The following KDM6A variants were observed in gnomAD, a reference collection of about 807,000 sequenced individuals.
The protein encoded by KDM6A is lysine-specific demethylase 6A.
A neutral mutation model predicts 117.6 loss-of-function variants in KDM6A; 11 were observed. The observed-to-expected ratio is 0.09, with a 90% CI of 0.06 to 0.15. The LOEUF (loss-of-function observed/expected upper bound fraction) is 0.15. KDM6A is among the 10% of genes least tolerant of loss of function. KDM6A has a pLI of 1.00. For missense variants in KDM6A, 799 were observed against 1,077.3 expected, an observed-to-expected ratio of 0.74 and a Z score of 3.62; for synonymous variants, 384 against 396.1, an observed-to-expected ratio of 0.97 and a Z score of 0.36.
chrX:45,109,096 G>A (rs1293887938), intron 28 of KDM6A, among the ~76,000 whole-genome samples: 1 of 102,241 alleles, frequency 9.8e-6, no homozygotes, highest in African/African-American at 3.6e-5. Context: ...ATGTGCACAT[G>A]TACCCTAAAA....
intron 2 of KDM6A, among the ~76,000 whole-genome samples, chrX:44,912,696 C>A (rs1015967694): frequency 2.5e-4 from 28 of 111,857 alleles, no homozygotes; most frequent in African/African-American, 9.1e-4. Context: ...GGTCCAAAGG[C>A]CCTCAGTGAA....
At position 45,061,176 on chromosome X, in the gene KDM6A, A is replaced by G. The variant is rs1399495671; in HGVS notation, c.1486-148A>G. ...TTTCTAAGTTTAATATGCATGTAAA[A>G]TTATTTTTTAAAGAATTTAATGTTA... On this transcript the variant is annotated intron_variant, in intron 14 of 29. Transcript: ENST00000611820. 2.4e-5 allele frequency: 9 copies of G among 375,958 alleles called. No homozygotes were observed. In the East Asian group the frequency reaches 3.7e-4, roughly 16 times the overall value. The allele number at this position is 375,958 out of a possible 1,213,427, so 31.0% of individuals were successfully genotyped here. A position where few individuals can be genotyped will look rare whatever the true frequency, so the allele number is the denominator to read the frequency against.
chrX:45,075,779 C>T (rs893919187), intron 18 of KDM6A, among the ~76,000 whole-genome samples: 1 of 111,182 alleles, frequency 9.0e-6, no homozygotes, highest in Non-Finnish European at 1.9e-5. Flanking sequence ...ATAGCTAATT[C>T]CTTCTTAAGT....
At chrX:45,072,866 A>T (rs955316153) in intron 18 of KDM6A, among the ~76,000 whole-genome samples, 1 of 105,444 alleles carries the variant, frequency 9.5e-6, no homozygotes, top group African/African-American at 3.5e-5. Flanking sequence ...AAAATATAAT[A>T]ATATATATAT....
intron 2 of KDM6A, among the ~76,000 whole-genome samples, chrX:44,877,015 G>A (rs2031693508): frequency 9.0e-6 from 1 of 111,331 alleles, no homozygotes; most frequent in African/African-American, 3.3e-5. Flanking sequence ...ACACGTATAC[G>A]TGTATACATA....
chrX:44,999,546 A>G (rs2041037711), intron 4 of KDM6A, among the ~76,000 whole-genome samples: 1 of 111,730 alleles, frequency 9.0e-6, no homozygotes, highest in Admixed American at 9.5e-5. Flanking sequence ...TGGAGCAGGT[A>G]ATTGAAAAAG....
chrX:44,977,413 C>T (rs988254323), intron 4 of KDM6A, among the ~76,000 whole-genome samples: 1 of 110,212 alleles, frequency 9.1e-6, no homozygotes, highest in Non-Finnish European at 1.9e-5. Flanking sequence ...CACCACCATG[C>T]TCGGCTAATT....
chrX:44,951,556 GTGA>G (rs762341814), intron 2 of KDM6A, among the ~76,000 whole-genome samples: 1 of 110,882 alleles, frequency 9.0e-6, no homozygotes, highest in Non-Finnish European at 1.9e-5. Context: ...TTTTGTTATA[GTGA>G]TGATTGCTTT....
chrX:45,053,700 T>G, intron 9 of KDM6A, 129 bp from the exon 10 acceptor site: 1 of 548,152 alleles, frequency 1.8e-6, no homozygotes. Flanking sequence ...TTTGGAAATA[T>G]GTACTCCAAA....
intron 2 of KDM6A, among the ~76,000 whole-genome samples, chrX:44,951,132 C>T (rs752547776): frequency 9.0e-6 from 1 of 111,677 alleles, no homozygotes; most frequent in Non-Finnish European, 1.9e-5. Context: ...TAAAGGCTCT[C>T]GTGCCCCTTT....
chrX:44,970,405 T>C (rs1369165732), intron 3 of KDM6A, among the ~76,000 whole-genome samples: 5 of 111,884 alleles, frequency 4.5e-5, no homozygotes, highest in Non-Finnish European at 9.4e-5. Flanking sequence ...ATTTTTTCTC[T>C]TTAATTTTTT....
chrX:45,031,114 TA>T (rs982294806), intron 6 of KDM6A, among the ~76,000 whole-genome samples: 10 of 112,640 alleles, frequency 8.9e-5, no homozygotes, highest in Non-Finnish European at 1.9e-4. Flanking sequence ...ATGGTCATTA[TA>T]ACCCTGTTTT....
intron 2 of KDM6A, among the ~76,000 whole-genome samples, chrX:44,897,914 G>T (rs1466529397): frequency 9.0e-6 from 1 of 111,245 alleles, no homozygotes; most frequent in African/African-American, 3.3e-5. Flanking sequence ...GAAGTGTAGT[G>T]CAAGGGTTAG....
At chrX:44,878,167 A>G (rs1249687340) in intron 2 of KDM6A, among the ~76,000 whole-genome samples, 1 of 111,612 alleles carries the variant, frequency 9.0e-6, no homozygotes, top group Admixed American at 9.6e-5. Flanking sequence ...TATTTGCAGA[A>G]TACATACCAG....
intron 2 of KDM6A, among the ~76,000 whole-genome samples, chrX:44,897,252 AAG>A (rs1186402336): frequency 1.9e-5 from 2 of 103,155 alleles, no homozygotes; most frequent in African/African-American, 7.3e-5. Context: ...AGCTCATTCA[AAG>A]AGTTTTTATT....
intron 2 of KDM6A, among the ~76,000 whole-genome samples, chrX:44,954,071 T>A (rs899155523): frequency 2.9e-4 from 29 of 99,479 alleles, no homozygotes; most frequent in Admixed American, 7.2e-4. Flanking sequence ...AAAAAAAAAA[T>A]AATAATAATA....
intron 2 of KDM6A, among the ~76,000 whole-genome samples, chrX:44,929,980 C>T (rs1381329010): frequency 9.0e-6 from 1 of 111,049 alleles, no homozygotes; most frequent in Non-Finnish European, 1.9e-5. Flanking sequence ...CTGCTTCCGT[C>T]CCTCCAATTT....
intron 2 of KDM6A, among the ~76,000 whole-genome samples, chrX:44,912,573 A>G (rs747309378): frequency 8.9e-6 from 1 of 112,216 alleles, no homozygotes; most frequent in Admixed American, 9.4e-5. Flanking sequence ...ATCTCTGTTC[A>G]TTTGGATTAT....
intron 21 of KDM6A, 54 bp downstream of exon 21, chrX:45,079,405 T>C: frequency 3.2e-6 from 3 of 941,408 alleles, no homozygotes; most frequent in Non-Finnish European, 4.6e-6. Context: ...GATTTTACTT[T>C]GGAGTTTTGA....
Sources: allele counts gnomAD v4.1 joint callset (sites outside exome capture counted in the v4.1 genomes callset), GRCh38; gene constraint gnomAD v4.1.1; transcripts MANE v1.5; gene names NCBI Gene and HGNC (gene_info 2026-07-23, HGNC 2026-07-21).